Variants in TBC1D10B observed in about 807,000 individuals in gnomAD.
The protein encoded by TBC1D10B is TBC1 domain family member 10B.
A neutral mutation model predicts 78.4 loss-of-function variants in TBC1D10B; 25 were observed. That is an observed-to-expected ratio of 0.32 (90% CI 0.23 to 0.45). The LOEUF (loss-of-function observed/expected upper bound fraction) is 0.45. Among genes scored for constraint, TBC1D10B ranks in the 20% least tolerant of loss-of-function variants. The pLI is 1.00. For synonymous variants in TBC1D10B, 517 were observed against 478.0 expected (o/e 1.08, Z -1.06); for missense variants, 996 against 1,104.8 (o/e 0.90, Z 1.40).
rs2049680656 is a variant in TBC1D10B, at chr16:30,370,358, C to A, written c.-175G>T. On this transcript the variant is annotated 5_prime_UTR_variant, in exon 1 of 9. Coordinates refer to ENST00000409939, the MANE Select transcript of TBC1D10B (RefSeq NM_015527.4). ...GAGGCGGGGCAGGGGTCGGGGGGCG[C>A]CGCGCGCCGGGGTCTCTCTCGAGCC... 1 of 184,044 alleles carries A rather than the reference C, an allele frequency of 5.4e-6. No homozygotes were observed. Among genetic ancestry groups the A allele is most frequent in the African/African-American group, 2.4e-5 (1 of 41,796 alleles). 11.4% of individuals were successfully genotyped at this position (184,044 alleles called of 1,614,324 possible).
In TBC1D10B at chr16:30,357,844, G is replaced by A; in HGVS notation, c.*100C>T. The A allele has an allele frequency of 1.4e-6, 2 of 1,434,554 alleles. No homozygotes were observed. Among genetic ancestry groups the A allele is most frequent in the Non-Finnish European group, 1.8e-6 (2 of 1,091,806 alleles). 88.9% of individuals were successfully genotyped at this position (1,434,554 alleles called of 1,614,324 possible). A position where few individuals can be genotyped will look rare whatever the true frequency, so the allele number is the denominator to read the frequency against. ...GGAACCAAGCCACTTTCCCCAGCAA[G>A]GGACAGCCTGACAAGGTGCTAGGGG... On this transcript the variant is annotated 3_prime_UTR_variant, in exon 9 of 9. Coordinates refer to ENST00000409939, the MANE Select transcript of TBC1D10B (RefSeq NM_015527.4).
chr16:30,361,605 A>C (rs990460393), intron 4 of TBC1D10B, among the ~76,000 whole-genome samples: 1 of 151,888 alleles, frequency 6.6e-6, no homozygotes, highest in African/African-American at 2.4e-5. Context: ...GGGTTTCTCC[A>C]TATTGGTCAG....
In TBC1D10B at chr16:30,365,388, C is replaced by G; in HGVS notation, c.1056+107G>C. The G allele has an allele frequency of 7.2e-7, 1 of 1,384,202 alleles. No homozygotes were observed. Among genetic ancestry groups the G allele is most frequent in the Non-Finnish European group, 1.0e-6 (1 of 973,662 alleles). 85.7% of individuals were successfully genotyped at this position (1,384,202 alleles called of 1,614,324 possible). On this transcript the variant is annotated intron_variant, in intron 2 of 8. Coordinates refer to ENST00000409939, the MANE Select transcript of TBC1D10B (RefSeq NM_015527.4). The surrounding 1 kb of genome is among the most constrained non-coding windows in gnomAD (Gnocchi z 5.0). Reference sequence around the variant, plus strand: ...TTCCCCCGCCAGGGCCCATCTATCCCCAGTGTGGTCCAGAGGGCAGATATT... The same window carrying G: ...TTCCCCCGCCAGGGCCCATCTATCCGCAGTGTGGTCCAGAGGGCAGATATT...
chr16:30,364,671 G>A (rs970812370), intron 4 of TBC1D10B, among the ~76,000 whole-genome samples: 2 of 151,752 alleles, frequency 1.3e-5, no homozygotes, highest in Non-Finnish European at 2.9e-5. Flanking sequence ...CAGCCCAAAT[G>A]CAAGCTCTTC....
Position 30,365,087 on chromosome 16 carries a change from C to T in TBC1D10B, c.1164+18G>A, listed in dbSNP as rs765435635. 8 of 1,613,530 alleles carry T rather than the reference C, an allele frequency of 5.0e-6. No individual in the cohort carries two copies. Among genetic ancestry groups the T allele is most frequent in the South Asian group, 1.1e-5 (1 of 91,084 alleles). On this transcript the variant is annotated intron_variant, in intron 3 of 8. Coordinates refer to ENST00000409939, the MANE Select transcript of TBC1D10B (RefSeq NM_015527.4). This position sits in a 1 kb window ranked among gnomAD's most constrained non-coding sequence, Gnocchi z 5.0. ...ACAGACAGGGCCACATGTCCCCACA[C>T]CTTGGAGCTGCACGCACCTCAAACT...
intron 8 of TBC1D10B, 31 bp from the exon 9 acceptor site, chr16:30,358,604 G>A: frequency 6.3e-7 from 1 of 1,590,176 alleles, no homozygotes; most frequent in African/African-American, 1.3e-5. Context: ...TACCAGAATG[G>A]AGCTGAGGGT....
At position 30,358,433 on chromosome 16, in the gene TBC1D10B, G is replaced by A. The variant is rs753956777; in HGVS notation, c.1938C>T (p.Arg646=). The A allele has an allele frequency of 6.3e-7, 1 of 1,586,004 alleles. No homozygotes were observed. Among genetic ancestry groups the A allele is most frequent in the Non-Finnish European group, 8.6e-7 (1 of 1,166,768 alleles). Reference sequence around the variant, plus strand: ...GGCCCAGGGGTGGCTGTTGCCGCCGGCGCTCCTCGTGGATGGCCCGGGACC... The same window carrying A: ...GGCCCAGGGGTGGCTGTTGCCGCCGACGCTCCTCGTGGATGGCCCGGGACC... ...LHGSRAIHEE[R]RRQQPPLGPS... is the part of the protein sequence containing the mutation. Residue 646 remains arginine (R), a synonymous_variant, in exon 9 of 9, where the codon CGC becomes CGT. Coordinates refer to ENST00000409939, the MANE Select transcript of TBC1D10B (RefSeq NM_015527.4).
At chr16:30,364,465 A>T (rs2049621135) in intron 4 of TBC1D10B, among the ~76,000 whole-genome samples, 1 of 152,148 alleles carries the variant, frequency 6.6e-6, no homozygotes, top group African/African-American at 2.4e-5. Flanking sequence ...AAAAAAGTCC[A>T]TCAGAGAACT....
Position 30,361,364 on chromosome 16 carries a change from GAC to G in TBC1D10B, c.1272-1525_1272-1524del, listed in dbSNP as rs370068227. 4.9e-3 allele frequency among the ~76,000 whole-genome samples: 741 copies of G among 152,256 alleles called. 4 individuals carry two copies. The highest frequency in any genetic ancestry group is 0.037 in the South Asian group (177 of 4,824). On this transcript the variant is annotated intron_variant, in intron 4 of 8. Coordinates refer to ENST00000409939, the MANE Select transcript of TBC1D10B (RefSeq NM_015527.4). ...CACACTGTTTCTTTCCTTACCTATAGACTCACTGTCTTCAATTTCTTTTCTCC... is the reference window on the plus strand; with the variant it reads ...CACACTGTTTCTTTCCTTACCTATAGTCACTGTCTTCAATTTCTTTTCTCC...
Position 30,359,274 on chromosome 16 carries a change from T to G in TBC1D10B, c.1540A>C (p.Ile514Leu), listed in dbSNP as rs191247342. The change falls in exon 7 of 9, where the codon ATT (isoleucine) becomes CTT (leucine). Residue 514 changes from isoleucine to leucine, a missense_variant. Transcript: ENST00000409939. ...TCCGTCATGTAGAGCACAGGGTCAA[T>G]GCGCTGCCGCCGCAGGTGGCGATGC... ...LAHRHLRRQRIDPVLYMTEWF... is the reference protein window; with the variant it reads ...LAHRHLRRQRLDPVLYMTEWF... The G allele has an allele frequency of 6.2e-7, 1 of 1,609,656 alleles. No individual in the cohort carries two copies. The highest frequency in any genetic ancestry group is 8.5e-7 in the Non-Finnish European group (1 of 1,178,162).
intron 5 of TBC1D10B, 37 bp from the exon 6 acceptor site, chr16:30,359,640 TGAGAAGC>T (rs2049586286): frequency 1.0e-5 from 16 of 1,556,022 alleles, no homozygotes; most frequent in Non-Finnish European, 1.4e-5. Flanking sequence ...GGGTGGGGCC[TGAGAAGC>T]AGGGAGCAGG....
At chr16:30,368,366 T>C (rs944668752) in intron 1 of TBC1D10B, among the ~76,000 whole-genome samples, 4 of 152,202 alleles carry the variant, frequency 2.6e-5, no homozygotes, top group African/African-American at 9.7e-5. Context: ...ACCAACTGTT[T>C]AAGTACTTTT....
chr16:30,362,555 C>CT (rs1335814981), intron 4 of TBC1D10B, among the ~76,000 whole-genome samples: 1 of 152,152 alleles, frequency 6.6e-6, no homozygotes, highest in Non-Finnish European at 1.5e-5. Flanking sequence ...GCATCAATTC[C>CT]TTTTGTATCT....
In TBC1D10B at chr16:30,358,234, T is replaced by C; in HGVS notation, c.2137A>G (p.Thr713Ala). ...GTCTCCTTGCTGGAACCCAAGGGGG[T>C]GCTATTGCCAGTGGGTGAGGGAAGG... ...PSLPSPTGNS[T>A]PLGSSKETRK... The change falls in exon 9 of 9, where the codon ACC becomes GCC. Residue 713 changes from threonine (T) to alanine (A), a missense_variant. Around this residue, in one of 5 missense-constraint regions of TBC1D10B, gnomAD observed 285 missense variants for 252.5 expected, o/e 1.13. Transcript: ENST00000409939. 3 of 1,557,182 alleles carry C rather than the reference T, an allele frequency of 1.9e-6. No individual in the cohort carries two copies. Among genetic ancestry groups the C allele is most frequent in the Non-Finnish European group, 2.6e-6 (3 of 1,150,094 alleles).
rs1392735477 is a variant in TBC1D10B at position 30,358,793 on chromosome 16, G to A, written c.1667C>T (p.Ala556Val). Residue 556 changes from alanine (A) to valine (V), a missense_variant, in exon 8 of 9, where the codon GCC becomes GTC. By Grantham distance (64) the Ala-to-Val change is moderately conservative. Coordinates refer to ENST00000409939, the MANE Select transcript of TBC1D10B (RefSeq NM_015527.4). ...CAGCGTGTGGCGCAGCAGGACCAGG[G>A]CCACCCGGAAGATGATCTTAACGCC... Reference protein sequence around the residue: ...CEGVKIIFRVALVLLRHTLGS... With the variant: ...CEGVKIIFRVVLVLLRHTLGS... The A allele has an allele frequency of 6.2e-7, 1 of 1,609,072 alleles. No homozygotes were observed.
Position 30,359,829 on chromosome 16 carries a change from C to G in TBC1D10B, c.1284G>C (p.Leu428=), listed in dbSNP as rs912414329. The change falls in exon 5 of 9, where the codon CTG becomes CTC. Residue 428 remains leucine (L), a synonymous_variant. Transcript: ENST00000409939. ...AARGGHGQQD[L]YRILKAYTIY... Reference sequence around the variant, plus strand: ...TGGTGTAGGCCTTCAGGATTCGGTACAGGTCCTGTTGCCTGTGGGGGTTGG... The same window carrying G: ...TGGTGTAGGCCTTCAGGATTCGGTAGAGGTCCTGTTGCCTGTGGGGGTTGG... The G allele has an allele frequency of 1.9e-6, 3 of 1,564,534 alleles. No individual in the cohort carries two copies. In the South Asian group the frequency reaches 3.5e-5, roughly 18 times the overall value.
intron 6 of TBC1D10B, 63 bp from the exon 7 acceptor site, chr16:30,359,424 T>C: frequency 1.3e-6 from 2 of 1,545,536 alleles, no homozygotes; most frequent in Non-Finnish European, 1.8e-6. Context: ...AGGGGAGAAC[T>C]GGCCGGCCCT....
Position 30,369,443 on chromosome 16 carries a change from G to A in TBC1D10B, c.741C>T (p.Gly247=), listed in dbSNP as rs1318499321. 1.3e-6 allele frequency: 2 copies of A among 1,556,228 alleles called. No individual in the cohort carries two copies. Among genetic ancestry groups the A allele is most frequent in the Admixed American group, 1.9e-5 (1 of 51,430 alleles). The change falls in exon 1 of 9, where the codon GGC becomes GGT. Residue 247 remains glycine (G), a synonymous_variant. Transcript: ENST00000409939. The surrounding 1 kb of genome is among the most constrained non-coding windows in gnomAD (Gnocchi z 4.3). ...TGCCAGGTCCCAGGCTGGACGTGGA[G>A]CCCAGGTCTTGAGAGTTTTCAGCAG... ...PEPAENSQDL[G]STSSLGPGIS...
rs1473214372 is a variant in TBC1D10B at position 30,357,191 on chromosome 16, A to AC, written c.*752dup. The AC allele has an allele frequency of 6.5e-6, 1 of 152,786 alleles. No individual in the cohort carries two copies. The highest frequency in any genetic ancestry group is 2.4e-5 in the African/African-American group (1 of 41,386). 9.5% of individuals were successfully genotyped at this position (152,786 alleles called of 1,614,324 possible). A position where few individuals can be genotyped will look rare whatever the true frequency, so the allele number is the denominator to read the frequency against. On this transcript the variant is annotated 3_prime_UTR_variant, in exon 9 of 9. Transcript: ENST00000409939. ...GAAGAGAATGTAAACATTGGGTTCCACCCCCTGGAGCTCAAGGGAAGACCC... is the reference window on the plus strand; with the variant it reads ...GAAGAGAATGTAAACATTGGGTTCCACCCCCCTGGAGCTCAAGGGAAGACCC...
Sources: allele counts gnomAD v4.1 joint callset (sites outside exome capture counted in the v4.1 genomes callset), GRCh38; gene constraint gnomAD v4.1.1; regional missense constraint gnomAD v4.1.1; non-coding constraint Gnocchi (gnomAD v3.1); transcripts MANE v1.5; gene names NCBI Gene and HGNC (gene_info 2026-07-23, HGNC 2026-07-21).